The following DGKB variants were observed in gnomAD, a reference collection of about 807,000 sequenced individuals.
The protein encoded by DGKB is diacylglycerol kinase beta.
A neutral mutation model predicts 114.3 loss-of-function variants in DGKB; 67 were observed. The ratio of observed to expected loss-of-function variants is 0.59; its 90% CI spans 0.48 to 0.72. DGKB has a LOEUF of 0.72. Among genes scored for constraint, DGKB ranks in the 30% least tolerant of loss-of-function variants. The pLI is 0.00. For synonymous variants in DGKB, 398 were observed against 323.1 expected (o/e 1.23, Z -2.49); for missense variants, 907 against 975.2 (o/e 0.93, Z 0.93).
chr7:14,734,066 C>T (rs1223372553), intron 5 of DGKB, among the ~76,000 whole-genome samples: 4 of 151,462 alleles, frequency 2.6e-5, no homozygotes, highest in East Asian at 1.9e-4. Context: ...AATGGAGTCT[C>T]GCTCTGTTGC....
intron 23 of DGKB, among the ~76,000 whole-genome samples, chr7:14,255,563 A>G (rs1478961285): frequency 6.6e-6 from 1 of 152,196 alleles, no homozygotes; most frequent in African/African-American, 2.4e-5. Flanking sequence ...TTGTTGCAAA[A>G]GTAAGAATAA....
At chr7:14,924,010 G>C in intron 1 of DGKB, among the ~76,000 whole-genome samples, 1 of 93,838 alleles carries the variant, frequency 1.1e-5, no homozygotes, top group Non-Finnish European at 1.8e-5. Flanking sequence ...AAAAAGCTTT[G>C]TCCTATTCTC....
At chr7:14,279,984 C>G (rs545506600) in intron 23 of DGKB, among the ~76,000 whole-genome samples, 3 of 152,316 alleles carry the variant, frequency 2.0e-5, no homozygotes, top group African/African-American at 7.2e-5. Context: ...CAGCTCCTCA[C>G]CAGTAACGGA....
At chr7:14,682,207 G>T (rs550740626) in intron 12 of DGKB, among the ~76,000 whole-genome samples, 1 of 152,128 alleles carries the variant, frequency 6.6e-6, no homozygotes, top group African/African-American at 2.4e-5. Context: ...GGAGTAAAGG[G>T]AGAGCTGAGT....
intron 23 of DGKB, among the ~76,000 whole-genome samples, chr7:14,237,503 T>G (rs1456587273): frequency 6.6e-6 from 1 of 151,996 alleles, no homozygotes; most frequent in Non-Finnish European, 1.5e-5. Context: ...CAAATAGGCA[T>G]TAATGTGAGA....
chr7:14,884,279 T>A (rs1854678059), intron 1 of DGKB, among the ~76,000 whole-genome samples: 1 of 151,986 alleles, frequency 6.6e-6, no homozygotes, highest in African/African-American at 2.4e-5. Context: ...TTATTTCTCT[T>A]ATACTATATC....
At chr7:14,839,681 C>T (rs746232223) in intron 2 of DGKB, among the ~76,000 whole-genome samples, 29 of 152,100 alleles carry the variant, frequency 1.9e-4, no homozygotes, top group East Asian at 1.2e-3. Context: ...TGTAAATATT[C>T]GTAATATGAT....
At chr7:14,438,990 T>G (rs1046832745) in intron 21 of DGKB, among the ~76,000 whole-genome samples, 1 of 63,402 alleles carries the variant, frequency 1.6e-5, no homozygotes, top group African/African-American at 4.7e-5. Context: ...GGAAGCCTCC[T>G]TTTTTTTTTC....
At chr7:14,809,937 C>G (rs1186426046) in intron 2 of DGKB, among the ~76,000 whole-genome samples, 8 of 152,172 alleles carry the variant, frequency 5.3e-5, no homozygotes, top group Non-Finnish European at 1.2e-4. Flanking sequence ...TGTTGATTTT[C>G]AATCTGAAAC....
intron 20 of DGKB, among the ~76,000 whole-genome samples, chr7:14,510,036 C>T (rs1311957586): frequency 1.3e-5 from 2 of 152,030 alleles, no homozygotes; most frequent in Admixed American, 1.3e-4. Context: ...ATTAGCCCGG[C>T]GTGGCGGCGG....
At chr7:14,829,187 C>T (rs1010295189) in intron 2 of DGKB, among the ~76,000 whole-genome samples, 6 of 151,978 alleles carry the variant, frequency 3.9e-5, no homozygotes, top group African/African-American at 1.2e-4. Flanking sequence ...CTCAAAAAGG[C>T]GCCCCACCTT....
chr7:14,319,489 T>G (rs989349655), intron 23 of DGKB, among the ~76,000 whole-genome samples: 1 of 152,190 alleles, frequency 6.6e-6, no homozygotes, highest in East Asian at 1.9e-4. Context: ...TTTAAATGAA[T>G]ACATATTTTA....
intron 1 of DGKB, among the ~76,000 whole-genome samples, chr7:14,939,624 T>C (rs1008269173): frequency 2.3e-5 from 3 of 130,014 alleles, no homozygotes; most frequent in Non-Finnish European, 3.2e-5. Flanking sequence ...TATAATACTT[T>C]TTTTTTTTTT....
intron 2 of DGKB, among the ~76,000 whole-genome samples, chr7:14,809,181 T>A (rs1843118460): frequency 1.3e-5 from 2 of 152,034 alleles, no homozygotes; most frequent in Non-Finnish European, 2.9e-5. Context: ...TATCCCGAAA[T>A]TTAAGAATTC....
chr7:14,401,987 C>CACACA (rs1384263066), intron 21 of DGKB, among the ~76,000 whole-genome samples: 38 of 149,942 alleles, frequency 2.5e-4, no homozygotes, highest in Middle Eastern at 3.4e-3. Context: ...CACACACACA[C>CACACA]CCGCTATTCA....
chr7:14,616,370 G>A (rs983514884), intron 15 of DGKB, among the ~76,000 whole-genome samples: 8 of 151,342 alleles, frequency 5.3e-5, no homozygotes, highest in Non-Finnish European at 8.9e-5. Flanking sequence ...AGGTACCAAC[G>A]TTATATTCAA....
intron 6 of DGKB, among the ~76,000 whole-genome samples, chr7:14,705,817 G>A (rs182436315): frequency 0.01 from 1,591 of 151,824 alleles, 30 homozygotes; most frequent in African/African-American, 0.037. Flanking sequence ...TGAAGGAAGC[G>A]CTAAATATGG....
At chr7:14,299,161 A>G (rs1217252858) in intron 23 of DGKB, among the ~76,000 whole-genome samples, 4 of 152,132 alleles carry the variant, frequency 2.6e-5, no homozygotes, top group African/African-American at 9.7e-5. Flanking sequence ...TCATAACTCT[A>G]TTCCAAATCT....
intron 23 of DGKB, among the ~76,000 whole-genome samples, chr7:14,234,002 C>T (rs1302770644): frequency 6.6e-6 from 1 of 152,016 alleles, no homozygotes; most frequent in Non-Finnish European, 1.5e-5. Context: ...CAAAATAGTC[C>T]CAAATGCCTG....
Sources: allele counts gnomAD v4.1 joint callset (sites outside exome capture counted in the v4.1 genomes callset), GRCh38; gene constraint gnomAD v4.1.1; transcripts MANE v1.5; gene names NCBI Gene and HGNC (gene_info 2026-07-23, HGNC 2026-07-21).